The following CLCA2 variants were observed in gnomAD, a reference collection of about 807,000 sequenced individuals.
CLCA2 encodes the protein calcium-activated chloride channel regulator 2.
CLCA2 carries 85 observed loss-of-function variants against 82.9 expected under a neutral mutation model. The ratio of observed to expected loss-of-function variants is 1.03; its 90% confidence interval spans 0.86 to 1.23. The LOEUF (loss-of-function observed/expected upper bound fraction) is 1.23. Among genes scored for constraint, CLCA2 ranks in the 50% most tolerant of loss-of-function variants. CLCA2 has a pLI of 0.00. For missense variants in CLCA2, 1,089 were observed against 1,124.8 expected (o/e 0.97, Z 0.45); for synonymous variants, 421 against 391.7 (o/e 1.07, Z -0.88).
At position 86,455,219 on chromosome 1, in the gene CLCA2, C is replaced by T. The variant is rs1203731673; in HGVS notation, c.2524C>T (p.Gln842Ter). The change falls in exon 14 of 14, where the codon CAA becomes TAA. Residue 842 changes from glutamine (Q) to a stop codon, truncating the protein, a stop_gained. Coordinates refer to ENST00000370565, the MANE Select transcript of CLCA2 (RefSeq NM_006536.7). LOFTEE classifies it low-confidence loss of function (END_TRUNC). ...CAGGGAGATATTTACGTTCTCACCC[C>T]AAATTTCCACGAATGGACCTGAACA... ...GIREIFTFSP[Q>*]ISTNGPEHQP... The T allele has an allele frequency of 2.5e-6, 4 of 1,614,072 alleles. No homozygotes were observed. The highest frequency in any genetic ancestry group is 1.7e-6 in the Non-Finnish European group (2 of 1,180,000).
Position 86,450,742 on chromosome 1 carries a change from C to G in CLCA2, c.2155+9C>G, listed in dbSNP as rs779672592. On this transcript the variant is annotated intron_variant, in intron 12 of 13. Transcript: ENST00000370565. ...AGGTTACACAGCAAACGGTAAGAAC[C>G]ATTAGCACTGTTATTTGAGTAACAT... 18 of 1,581,166 alleles carry G rather than the reference C, an allele frequency of 1.1e-5. No individual in the cohort carries two copies. The highest frequency in any genetic ancestry group is 1.5e-5 in the Non-Finnish European group (17 of 1,161,500).
At chr1:86,429,310 T>G (rs1662447779) in intron 3 of CLCA2, among the ~76,000 whole-genome samples, 1 of 152,146 alleles carries the variant, frequency 6.6e-6, no homozygotes, top group South Asian at 2.1e-4. Flanking sequence ...CGTACTTAAT[T>G]CTAGCAACTC....
chr1:86,450,728 C>T lies in CLCA2; in HGVS notation c.2150C>T (p.Ala717Val), dbSNP rs1392975171. 1 of 1,599,866 alleles carries T rather than the reference C, an allele frequency of 6.3e-7. No homozygotes were observed. The highest frequency in any genetic ancestry group is 8.5e-7 in the Non-Finnish European group (1 of 1,172,940). ...GCTATGTATGTACCAGGTTACACAG[C>T]AAACGGTAAGAACCATTAGCACTGT... The part of the protein sequence containing the change: ...SHAMYVPGYT[A>V]NGNIQMNAPR... The change falls in exon 12 of 14, where the codon GCA becomes GTA. Residue 717 changes from alanine (A) to valine (V), a missense_variant. Transcript: ENST00000370565.
chr1:86,455,030 C>T (rs1360437187), intron 13 of CLCA2, 55 bp from the exon 14 acceptor site: 1 of 1,069,462 alleles, frequency 9.4e-7, no homozygotes, highest in African/African-American at 1.6e-5. Flanking sequence ...TTCTAATAAA[C>T]TAGAAAATAT....
At chr1:86,450,757 T>C (rs1297102152) in intron 12 of CLCA2, 24 bp downstream of exon 12, 5 of 1,559,194 alleles carry the variant, frequency 3.2e-6, no homozygotes, top group Non-Finnish European at 1.7e-6. Flanking sequence ...GCACTGTTAT[T>C]TGAGTAACAT....
At chr1:86,440,615 T>C (rs1047340919) in intron 8 of CLCA2, among the ~76,000 whole-genome samples, 15 of 152,124 alleles carry the variant, frequency 9.9e-5, no homozygotes, top group Non-Finnish European at 2.1e-4. Flanking sequence ...ATTAAATGCT[T>C]TGTGGGCGGG....
At chr1:86,427,547 TAC>T (rs146595899) in intron 2 of CLCA2, among the ~76,000 whole-genome samples, 3,179 of 148,148 alleles carry the variant, frequency 0.021, 65 homozygotes, top group African/African-American at 0.057. Context: ...CACACATACA[TAC>T]ACACACACAC....
chr1:86,452,508 C>T (rs1364625509), intron 12 of CLCA2, among the ~76,000 whole-genome samples: 2 of 152,178 alleles, frequency 1.3e-5, no homozygotes, highest in African/African-American at 4.8e-5. Flanking sequence ...TCACTTTGGA[C>T]CATGAGGTCC....
intron 2 of CLCA2, 104 bp from the exon 3 acceptor site, chr1:86,428,314 C>A: frequency 9.8e-7 from 1 of 1,019,746 alleles, no homozygotes; most frequent in African/African-American, 1.7e-5. Flanking sequence ...CAATAAAATG[C>A]ACACATCTTA....
At position 86,434,475 on chromosome 1, in the gene CLCA2, G is replaced by T. The variant is rs765953598; in HGVS notation, c.745-43G>T. The T allele has an allele frequency of 1.4e-5, 21 of 1,509,850 alleles. No homozygotes were observed. The African/African-American group carries it at 1.5e-4, about 11-fold the overall frequency. 93.5% of individuals were successfully genotyped at this position (1,509,850 alleles called of 1,614,324 possible). A position where few individuals can be genotyped will look rare whatever the true frequency, so the allele number is the denominator to read the frequency against. On this transcript the variant is annotated intron_variant, in intron 5 of 13. Transcript: ENST00000370565. ...TGAGAATGAGAACTATGTTTGCTTT[G>T]GGAGAAGTGCCTCTCTTTATTAAAG...
In CLCA2 at chr1:86,440,283, T is replaced by A; in HGVS notation, c.1339T>A (p.Ser447Thr). The change falls in exon 8 of 14, where the codon TCA (serine) becomes ACA (threonine). Residue 447 changes from serine to threonine, a missense_variant. By Grantham distance (58) the Ser-to-Thr change is moderately conservative. Transcript: ENST00000370565. ...AACAATTCACTCCATTGCCCTGGGT[T>A]CATCTGCAGCCCCAAATCTGGAGGA... Reference protein sequence around the residue: ...GSTIHSIALGSSAAPNLEELS... With the variant: ...GSTIHSIALGTSAAPNLEELS... 1 of 1,614,036 alleles carries A rather than the reference T, an allele frequency of 6.2e-7. No homozygotes were observed. The highest frequency in any genetic ancestry group is 2.2e-5 in the East Asian group (1 of 44,866).
chr1:86,432,231 C>T, intron 4 of CLCA2, 138 bp from the exon 5 acceptor site: 6 of 937,470 alleles, frequency 6.4e-6, no homozygotes, highest in Non-Finnish European at 9.5e-6. Context: ...CCACAGCACC[C>T]CGCCAGTAGA....
rs202013855 is a variant in CLCA2 at position 86,447,403 on chromosome 1, A to T, written c.1714-105A>T. 6.6e-6 allele frequency: 8 copies of T among 1,215,208 alleles called. No homozygotes were observed. In the East Asian group the frequency reaches 1.9e-4, roughly 28 times the overall value. The allele number at this position is 1,215,208 out of a possible 1,614,324, so 75.3% of individuals were successfully genotyped here. A position where few individuals can be genotyped will look rare whatever the true frequency, so the allele number is the denominator to read the frequency against. On this transcript the variant is annotated intron_variant, in intron 10 of 13. Coordinates refer to ENST00000370565, the MANE Select transcript of CLCA2 (RefSeq NM_006536.7). ...TTTGTAGTATTTTAAAAAGTGCAAC[A>T]TCAACAAAACAAGAGCAAAATTCTC...
intron 6 of CLCA2, 147 bp from the exon 7 acceptor site, chr1:86,438,729 A>C: frequency 1.5e-6 from 1 of 658,874 alleles, no homozygotes; most frequent in Non-Finnish European, 2.6e-6. Context: ...ACAATATTCT[A>C]ATATTATGTT....
At chr1:86,437,124 T>C (rs16908) in intron 6 of CLCA2, among the ~76,000 whole-genome samples, 35,143 of 152,184 alleles carry the variant, frequency 0.23, 4,748 homozygotes, top group East Asian at 0.38. Context: ...GAGTATCATC[T>C]GAAATATGTA....
rs200352807 is a variant in CLCA2, at chr1:86,432,418, C to T, written c.634C>T (p.Pro212Ser). 6.2e-6 allele frequency: 10 copies of T among 1,613,794 alleles called. No homozygotes were observed. The highest frequency in any genetic ancestry group is 2.2e-5 in the South Asian group (2 of 91,068). ...GIFVCEKGPC[P>S]QENCIISKLF... Reference sequence around the variant, plus strand: ...TTTTGTGTGTGAAAAAGGTCCTTGCCCCCAAGAAAACTGTATTATTAGTAA... The same window carrying T: ...TTTTGTGTGTGAAAAAGGTCCTTGCTCCCAAGAAAACTGTATTATTAGTAA... The change falls in exon 5 of 14, where the codon CCC becomes TCC. Residue 212 changes from proline to serine, a missense_variant. Physicochemically the swap from Pro to Ser is moderately conservative, Grantham distance 74. Coordinates refer to ENST00000370565, the MANE Select transcript of CLCA2 (RefSeq NM_006536.7).
At chr1:86,426,341 T>C (rs1360057731) in intron 2 of CLCA2, among the ~76,000 whole-genome samples, 1 of 152,142 alleles carries the variant, frequency 6.6e-6, no homozygotes, top group South Asian at 2.1e-4. Flanking sequence ...CTTTCCCCTT[T>C]CCTTATTTCT....
chr1:86,425,978 G>A (rs1662379006), intron 2 of CLCA2, among the ~76,000 whole-genome samples: 1 of 152,054 alleles, frequency 6.6e-6, no homozygotes, highest in Non-Finnish European at 1.5e-5. Flanking sequence ...AGGGGAATAA[G>A]GAGATTAGAA....
chr1:86,431,693 T>G (rs1662501419), intron 4 of CLCA2, among the ~76,000 whole-genome samples: 1 of 152,186 alleles, frequency 6.6e-6, no homozygotes, highest in African/African-American at 2.4e-5. Flanking sequence ...TGATACCAAG[T>G]GGAAATGAAC....
Sources: gnomAD v4.1 joint callset for allele counts (sites outside exome capture counted in the v4.1 genomes callset) on GRCh38, gnomAD v4.1.1 for gene constraint, MANE v1.5 for transcripts, NCBI Gene and HGNC (gene_info 2026-07-23, HGNC 2026-07-21) for gene names.